The following LRBA variants were observed in gnomAD, a reference collection of about 807,000 sequenced individuals.
LRBA encodes the protein lipopolysaccharide-responsive and beige-like anchor protein.
Under a neutral mutation model 330.0 loss-of-function variants are expected in LRBA, and 176 were observed. The ratio of observed to expected loss-of-function variants is 0.53; its 90% CI spans 0.47 to 0.60. The LOEUF is 0.60. LRBA is among the 20% of genes least tolerant of loss of function. LRBA has a pLI of 0.00. For synonymous variants in LRBA, 1,230 were observed against 1,193.0 expected, an observed-to-expected ratio of 1.03 and a Z score of -0.64; for missense variants, 3,259 against 3,444.8, an observed-to-expected ratio of 0.95 and a Z score of 1.35.
chr4:150,686,579 C>T (rs1271905511), intron 36 of LRBA, among the ~76,000 whole-genome samples: 3 of 152,096 alleles, frequency 2.0e-5, no homozygotes, highest in African/African-American at 7.2e-5. Context: ...TCTAACCCAA[C>T]CATACACTAA....
intron 37 of LRBA, 112 bp from the exon 38 acceptor site, chr4:150,599,243 C>A: frequency 9.0e-7 from 1 of 1,113,692 alleles, no homozygotes; most frequent in East Asian, 2.5e-5. Context: ...CCCTCTCCTT[C>A]CACTTAATTC....
chr4:150,806,602 C>T (rs1742830264), intron 32 of LRBA, among the ~76,000 whole-genome samples, 198 bp from the exon 33 acceptor site: 1 of 152,102 alleles, frequency 6.6e-6, no homozygotes, highest in South Asian at 2.1e-4. Context: ...CTTGCCCCTA[C>T]AATCTCCAAC....
chr4:150,268,702 A>C (rs980748332), intron 56 of LRBA, among the ~76,000 whole-genome samples: 1 of 152,232 alleles, frequency 6.6e-6, no homozygotes, highest in African/African-American at 2.4e-5. Context: ...ATGTGACAAA[A>C]TTCATCATCC....
intron 40 of LRBA, chr4:150,579,271 C>G (rs749790623): frequency 8.1e-5 from 37 of 456,334 alleles, no homozygotes; most frequent in Non-Finnish European, 1.5e-4. Flanking sequence ...CCTCGGATAC[C>G]GTTTCCCCCT....
At chr4:150,518,544 T>A (rs1297113132) in intron 40 of LRBA, among the ~76,000 whole-genome samples, 1 of 152,178 alleles carries the variant, frequency 6.6e-6, no homozygotes, top group Non-Finnish European at 1.5e-5. Context: ...GCTTACCTTT[T>A]TTTCCCTACT....
intron 36 of LRBA, among the ~76,000 whole-genome samples, chr4:150,726,791 T>C (rs895296356): frequency 3.9e-5 from 6 of 152,018 alleles, no homozygotes; most frequent in Non-Finnish European, 4.4e-5. Flanking sequence ...CCTCAACACG[T>C]GGGGATTACA....
chr4:150,806,273 G>T lies in LRBA; in HGVS notation c.5516C>A (p.Thr1839Lys), dbSNP rs759194982. ...SHGQELLIEG[T>K]SLVCMKSSSS... is the part of the protein sequence containing the mutation. ...TAAAATAAAGAAAAACCACTTACTT[G>T]TTCCTTCTATAAGCAGTTCTTGTCC... The change falls in exon 33 of 57, where the codon ACA (threonine) becomes AAA (lysine). Residue 1839 changes from threonine to lysine, a missense_variant and splice_region_variant. Transcript: ENST00000651943. 3 of 1,563,144 alleles carry T rather than the reference G, an allele frequency of 1.9e-6. No homozygotes were observed. The highest frequency in any genetic ancestry group is 1.4e-5 in the African/African-American group (1 of 71,832).
At chr4:150,918,544 T>C (rs1289800749) in intron 5 of LRBA, among the ~76,000 whole-genome samples, 7 of 151,874 alleles carry the variant, frequency 4.6e-5, no homozygotes, top group African/African-American at 2.4e-5. Context: ...AGGTCAGGAG[T>C]TGAAGACCAG....
intron 37 of LRBA, among the ~76,000 whole-genome samples, chr4:150,618,615 C>T (rs1775996815): frequency 6.6e-6 from 1 of 151,850 alleles, no homozygotes; most frequent in Non-Finnish European, 1.5e-5. Flanking sequence ...AAATTAGTTG[C>T]ACCCTCTCAA....
chr4:150,851,969 G>A lies in LRBA; in HGVS notation c.3741C>T (p.Ser1247=). 6.2e-7 allele frequency: 1 copy of A among 1,614,066 alleles called. No individual in the cohort carries two copies. Among genetic ancestry groups the A allele is most frequent in the South Asian group, 1.1e-5 (1 of 91,062 alleles). The change falls in exon 23 of 57, where the codon TCC becomes TCT. Residue 1247 remains serine, a synonymous_variant. Transcript: ENST00000651943. ...SEQKIAKLDV[S]NVATDTERLE... ...GCCTCTCAGTATCTGTAGCAACATT[G>A]GAAACATCCAACTTCGCAATCTTTT...
At chr4:150,928,077 CA>C (rs978122478) in intron 4 of LRBA, among the ~76,000 whole-genome samples, 6 of 152,190 alleles carry the variant, frequency 3.9e-5, no homozygotes, top group Admixed American at 3.9e-4. Context: ...CATCACTACC[CA>C]TTGCAAATGA....
At chr4:150,395,862 A>G (rs1007360502) in intron 47 of LRBA, among the ~76,000 whole-genome samples, 2 of 152,164 alleles carry the variant, frequency 1.3e-5, no homozygotes, top group Non-Finnish European at 2.9e-5. Context: ...ATCAATTGCT[A>G]TTTAGTAAAT....
At chr4:150,382,410 G>A (rs1016006026) in intron 47 of LRBA, among the ~76,000 whole-genome samples, 16 of 152,226 alleles carry the variant, frequency 1.1e-4, no homozygotes, top group African/African-American at 3.9e-4. Context: ...GATCACTTGA[G>A]GCTGTGAGTT....
intron 17 of LRBA, among the ~76,000 whole-genome samples, chr4:150,892,096 C>T (rs912222947): frequency 6.6e-6 from 1 of 152,050 alleles, no homozygotes; most frequent in African/African-American, 2.4e-5. Flanking sequence ...GTCTCAAAAA[C>T]AAACAAAAAT....
intron 34 of LRBA, among the ~76,000 whole-genome samples, chr4:150,793,519 C>A (rs1740300741): frequency 6.6e-6 from 1 of 151,974 alleles, no homozygotes; most frequent in Admixed American, 6.6e-5. Flanking sequence ...GACTTATGAT[C>A]CATGTTACCA....
rs188369887 is a variant in LRBA, at chr4:150,366,191, T to A, written c.7195-16032A>T. Among the ~76,000 whole-genome samples, 251 of 152,280 alleles carry A rather than the reference T, an allele frequency of 1.6e-3. 3 individuals are homozygous for A. Among genetic ancestry groups the A allele is most frequent in the South Asian group, 7.5e-3 (36 of 4,820 alleles). On this transcript the variant is annotated intron_variant, in intron 47 of 56. Transcript: ENST00000651943. ...AATAAGGCTGTTTTGAGATTTTTTTTAAGCCTTTCAGACAACCCCTATGAT... is the reference window on the plus strand; with the variant it reads ...AATAAGGCTGTTTTGAGATTTTTTTAAAGCCTTTCAGACAACCCCTATGAT...
At chr4:150,460,088 T>C (rs1178951827) in intron 44 of LRBA, among the ~76,000 whole-genome samples, 1 of 151,442 alleles carries the variant, frequency 6.6e-6, no homozygotes, top group East Asian at 1.9e-4. Context: ...ATCTAGATGG[T>C]ATATTGATTC....
At chr4:150,916,932 T>C (rs932879457) in intron 5 of LRBA, among the ~76,000 whole-genome samples, 194 bp from the exon 6 acceptor site, 1 of 152,134 alleles carries the variant, frequency 6.6e-6, no homozygotes, top group African/African-American at 2.4e-5. Flanking sequence ...GGCAGGTGCA[T>C]CACAAGGTCA....
At chr4:150,621,164 C>T (rs908612803) in intron 37 of LRBA, among the ~76,000 whole-genome samples, 3 of 151,784 alleles carry the variant, frequency 2.0e-5, no homozygotes, top group African/African-American at 7.3e-5. Context: ...TCAGTAAAAG[C>T]AATTGCATGA....
Sources: allele counts gnomAD v4.1 joint callset (sites outside exome capture counted in the v4.1 genomes callset), GRCh38; gene constraint gnomAD v4.1.1; transcripts MANE v1.5; gene names NCBI Gene and HGNC (gene_info 2026-07-23, HGNC 2026-07-21).